NCKAP5: variants seen among roughly 807,000 people sequenced by gnomAD.
NCKAP5 encodes the protein nck-associated protein 5.
NCKAP5 carries 92 observed loss-of-function variants against 167.0 expected under a neutral mutation model. The ratio of observed to expected loss-of-function variants is 0.55; its 90% confidence interval spans 0.47 to 0.66. The LOEUF is 0.66. Ranked by LOEUF, NCKAP5 falls within the 30% of genes least tolerant of loss-of-function variation. NCKAP5 has a pLI of 0.00. For synonymous variants in NCKAP5, 891 were observed against 877.4 expected, an observed-to-expected ratio of 1.02 and a Z score of -0.27; for missense variants, 2,378 against 2,315.0, an observed-to-expected ratio of 1.03 and a Z score of -0.56.
At chr2:132,712,950 A>G (rs1342245236) in intron 19 of NCKAP5, among the ~76,000 whole-genome samples, 1 of 152,186 alleles carries the variant, frequency 6.6e-6, no homozygotes, top group African/African-American at 2.4e-5. Flanking sequence ...AGACAAGTTA[A>G]GTGAATGATG....
chr2:133,609,019 G>A, the NCKAP5 span, among the ~76,000 whole-genome samples: 7 of 152,082 alleles, frequency 4.6e-5, no homozygotes, highest in Non-Finnish European at 8.8e-5. Flanking sequence ...AAAATCCTGC[G>A]CCTCCTTCCA....
At chr2:133,260,287 T>C (rs1242198106) in intron 4 of NCKAP5, among the ~76,000 whole-genome samples, 1 of 152,170 alleles carries the variant, frequency 6.6e-6, no homozygotes, top group Non-Finnish European at 1.5e-5. Context: ...AGTAAACTAA[T>C]AAATGAACAG....
intron 6 of NCKAP5, among the ~76,000 whole-genome samples, chr2:133,104,144 A>T (rs1057391291): frequency 6.8e-6 from 1 of 147,274 alleles, no homozygotes; most frequent in African/African-American, 2.6e-5. Flanking sequence ...TATAGATCTA[A>T]AAAAAAAAAG....
At position 132,783,556 on chromosome 2, in the gene NCKAP5, A is replaced by AGAT. The variant is rs1387631933; in HGVS notation, c.3252_3254dup (p.Ser1085dup). 1 of 1,613,712 alleles carries AGAT rather than the reference A, an allele frequency of 6.2e-7. No homozygotes were observed. Among genetic ancestry groups the AGAT allele is most frequent in the Non-Finnish European group, 8.5e-7 (1 of 1,179,876 alleles). On this transcript the variant is annotated inframe_insertion, in exon 14 of 20. Coordinates refer to ENST00000409261, the MANE Select transcript of NCKAP5 (RefSeq NM_207363.3). ...CATTCAATTGTCCTTTTCTCCCTGGAGATACACTTTTGGAGGACGTCATTT... is the reference window on the plus strand; with the variant it reads ...CATTCAATTGTCCTTTTCTCCCTGGAGATGATACACTTTTGGAGGACGTCATTT...
chr2:133,344,465 G>A lies in NCKAP5; in HGVS notation c.70-41355C>T, dbSNP rs144204714. On this transcript the variant is annotated intron_variant, in intron 3 of 19. Transcript: ENST00000409261. Reference sequence around the variant, plus strand: ...AGGCAGGGAGTTGAAGATAGTGGGGGAGAAGAGTGAGCACAAAGGCAGCAC... The same window carrying A: ...AGGCAGGGAGTTGAAGATAGTGGGGAAGAAGAGTGAGCACAAAGGCAGCAC... Among the ~76,000 whole-genome samples the A allele has an allele frequency of 2.6e-5, 4 of 151,998 alleles. No homozygotes were observed. In the East Asian group the frequency reaches 7.8e-4, roughly 30 times the overall value.
intron 3 of NCKAP5, among the ~76,000 whole-genome samples, chr2:133,443,354 A>G (rs1339878545): frequency 6.6e-6 from 1 of 152,166 alleles, no homozygotes; most frequent in Non-Finnish European, 1.5e-5. Context: ...TAGTGAAACA[A>G]AACAACTGTG....
intron 5 of NCKAP5, among the ~76,000 whole-genome samples, chr2:133,205,557 C>T (rs1001760425): frequency 3.3e-5 from 5 of 152,082 alleles, no homozygotes; most frequent in Admixed American, 2.6e-4. Context: ...AGTGGGACAC[C>T]ATATCCTTCC....
chr2:133,622,822 C>T, the NCKAP5 span, among the ~76,000 whole-genome samples: 1 of 152,014 alleles, frequency 6.6e-6, no homozygotes, highest in Non-Finnish European at 1.5e-5. Flanking sequence ...CATATGGAAT[C>T]AAAAAAGAGC....
chr2:133,523,654 C>A (rs959554171), intron 2 of NCKAP5, among the ~76,000 whole-genome samples: 1 of 152,128 alleles, frequency 6.6e-6, no homozygotes, highest in African/African-American at 2.4e-5. Flanking sequence ...AGATGTTTTC[C>A]GGTCAGCTTC....
At chr2:132,742,855 A>G (rs971905871) in intron 16 of NCKAP5, among the ~76,000 whole-genome samples, 1 of 151,914 alleles carries the variant, frequency 6.6e-6, no homozygotes, top group Non-Finnish European at 1.5e-5. Flanking sequence ...CTGTAGTTGA[A>G]ATGTTGACGA....
intron 16 of NCKAP5, among the ~76,000 whole-genome samples, chr2:132,765,881 C>T (rs530001626): frequency 2.0e-5 from 3 of 152,200 alleles, no homozygotes; most frequent in Admixed American, 6.5e-5. Context: ...GTTCTTAAAA[C>T]GATAAGCCAT....
At chr2:133,131,655 G>A (rs1452522891) in intron 5 of NCKAP5, among the ~76,000 whole-genome samples, 8 of 151,940 alleles carry the variant, frequency 5.3e-5, no homozygotes, top group Non-Finnish European at 1.2e-4. Flanking sequence ...ACTGAAATCA[G>A]AAAAACTAAA....
chr2:132,990,141 G>A (rs912193545), intron 7 of NCKAP5, among the ~76,000 whole-genome samples: 1 of 152,148 alleles, frequency 6.6e-6, no homozygotes, highest in African/African-American at 2.4e-5. Context: ...CATTTCAAGA[G>A]ACAAAAGAGA....
At chr2:133,491,490 C>A (rs1681437244) in intron 3 of NCKAP5, among the ~76,000 whole-genome samples, 1 of 152,204 alleles carries the variant, frequency 6.6e-6, no homozygotes, top group African/African-American at 2.4e-5. Flanking sequence ...CACCTCTAAG[C>A]AAACGTAGGC....
intron 3 of NCKAP5, among the ~76,000 whole-genome samples, chr2:133,498,080 C>T (rs947024174): frequency 5.3e-5 from 8 of 152,080 alleles, no homozygotes; most frequent in African/African-American, 1.9e-4. Context: ...AAATTTCATG[C>T]TAGGTTTTAG....
the NCKAP5 span, among the ~76,000 whole-genome samples, chr2:133,614,692 C>A: frequency 2.0e-5 from 3 of 152,076 alleles, no homozygotes; most frequent in African/African-American, 7.2e-5. Flanking sequence ...CTGAAAGTGA[C>A]GGGGAGAACG....
At chr2:133,344,407 C>CAAAA (rs376699332) in intron 3 of NCKAP5, among the ~76,000 whole-genome samples, 1 of 90,220 alleles carries the variant, frequency 1.1e-5, no homozygotes. Flanking sequence ...AACTTTGTCT[C>CAAAA]AAAAAAAAAA....
At chr2:133,173,405 G>A (rs1034027719) in intron 5 of NCKAP5, among the ~76,000 whole-genome samples, 5 of 152,136 alleles carry the variant, frequency 3.3e-5, no homozygotes, top group Non-Finnish European at 4.4e-5. Context: ...CCTGACTTGT[G>A]AACTTTCATG....
At chr2:132,984,146 G>GA (rs1157025118) in intron 7 of NCKAP5, among the ~76,000 whole-genome samples, 1 of 152,090 alleles carries the variant, frequency 6.6e-6, no homozygotes, top group Non-Finnish European at 1.5e-5. Context: ...GAGCTGTCCA[G>GA]AAAAGATCTT....
Sources: allele counts gnomAD v4.1 joint callset (sites outside exome capture counted in the v4.1 genomes callset), GRCh38; gene constraint gnomAD v4.1.1; transcripts MANE v1.5; gene names NCBI Gene and HGNC (gene_info 2026-07-23, HGNC 2026-07-21).